The following TASP1 variants were observed in gnomAD, a reference collection of about 807,000 sequenced individuals.
TASP1 encodes the protein threonine aspartase 1.
Under a neutral mutation model 56.6 loss-of-function variants are expected in TASP1, and 16 were observed. The ratio of observed to expected loss-of-function variants is 0.28; its 90% CI spans 0.19 to 0.43. TASP1 has a LOEUF of 0.43. Ranked by LOEUF, TASP1 falls within the 20% of genes least tolerant of loss-of-function variation. The pLI is 1.00. For synonymous variants in TASP1, 179 were observed against 184.2 expected, an observed-to-expected ratio of 0.97 and a Z score of 0.23; for missense variants, 393 against 511.6, an observed-to-expected ratio of 0.77 and a Z score of 2.24.
chr20:13,499,827 A>G (rs2043879356), intron 10 of TASP1, among the ~76,000 whole-genome samples: 1 of 152,222 alleles, frequency 6.6e-6, no homozygotes, highest in South Asian at 2.1e-4. Flanking sequence ...CACCTTTTAC[A>G]GTAACATGGA....
chr20:13,441,469 A>G (rs1187882681), intron 11 of TASP1, among the ~76,000 whole-genome samples: 1 of 152,194 alleles, frequency 6.6e-6, no homozygotes, highest in Non-Finnish European at 1.5e-5. Context: ...CCTTGTCTAC[A>G]TTAAAGAGCA....
chr20:13,417,624 C>T (rs1410914681), intron 12 of TASP1, 103 bp from the exon 13 acceptor site: 4 of 1,182,926 alleles, frequency 3.4e-6, no homozygotes, highest in Middle Eastern at 3.9e-4. Context: ...ATTTAACACA[C>T]TCAGTTCCCC....
chr20:13,394,176 C>A (rs1335545664), intron 13 of TASP1, among the ~76,000 whole-genome samples: 4 of 149,242 alleles, frequency 2.7e-5, no homozygotes, highest in Non-Finnish European at 5.9e-5. Flanking sequence ...CCCAGCTACT[C>A]CGGAGGCTGA....
chr20:13,534,257 G>C, intron 8 of TASP1, 116 bp from the exon 9 acceptor site: 1 of 1,250,150 alleles, frequency 8.0e-7, no homozygotes, highest in Non-Finnish European at 1.1e-6. Flanking sequence ...TAATCCCTAA[G>C]TGGAACATTG....
At chr20:13,344,352 T>C in the TASP1 span, among the ~76,000 whole-genome samples, 1 of 152,010 alleles carries the variant, frequency 6.6e-6, no homozygotes, top group Non-Finnish European at 1.5e-5. Context: ...AACACAACAT[T>C]TGGAATTAGA....
the TASP1 span, among the ~76,000 whole-genome samples, chr20:13,147,069 G>A: frequency 6.6e-6 from 1 of 152,170 alleles, no homozygotes; most frequent in Non-Finnish European, 1.5e-5. Context: ...GGTGGAGGCA[G>A]GGTGTTTTCC....
At chr20:13,516,280 A>G (rs1056297647) in intron 10 of TASP1, among the ~76,000 whole-genome samples, 1 of 152,134 alleles carries the variant, frequency 6.6e-6, no homozygotes, top group Non-Finnish European at 1.5e-5. Flanking sequence ...ATGAAGCAGC[A>G]TGTCACAAAG....
chr20:13,550,185 C>CACACACACAG (rs1212360097), intron 8 of TASP1, among the ~76,000 whole-genome samples: 2 of 148,466 alleles, frequency 1.3e-5, no homozygotes, highest in East Asian at 2.0e-4. Flanking sequence ...CACACACACA[C>CACACACACAG]AGAGACACTG....
chr20:13,317,422 A>T, the TASP1 span, among the ~76,000 whole-genome samples: 1 of 152,166 alleles, frequency 6.6e-6, no homozygotes, highest in Admixed American at 6.5e-5. Context: ...AAGTTATTTC[A>T]TAGATATCAA....
At chr20:13,351,218 A>G in the TASP1 span, among the ~76,000 whole-genome samples, 2 of 152,230 alleles carry the variant, frequency 1.3e-5, no homozygotes, top group Non-Finnish European at 2.9e-5. Flanking sequence ...ACTCACATGC[A>G]TTGCCAGTGG....
intron 10 of TASP1, among the ~76,000 whole-genome samples, chr20:13,506,861 C>T (rs1045704484): frequency 2.7e-5 from 4 of 146,652 alleles, no homozygotes; most frequent in Non-Finnish European, 4.5e-5. Flanking sequence ...TACTGCAAGT[C>T]TTAGCCAGAG....
chr20:13,332,938 G>A, the TASP1 span, among the ~76,000 whole-genome samples: 12 of 152,284 alleles, frequency 7.9e-5, no homozygotes, highest in South Asian at 2.1e-4. Flanking sequence ...CCTGTGCATC[G>A]CCAGAATTCC....
intron 8 of TASP1, among the ~76,000 whole-genome samples, chr20:13,555,903 C>A (rs2046141533): frequency 6.6e-6 from 1 of 152,154 alleles, no homozygotes; most frequent in Admixed American, 6.6e-5. Flanking sequence ...TAATGAGGAT[C>A]TTGGTGGCAT....
intron 6 of TASP1, among the ~76,000 whole-genome samples, chr20:13,575,403 G>A (rs2046866206): frequency 6.6e-6 from 1 of 152,118 alleles, no homozygotes; most frequent in African/African-American, 2.4e-5. Flanking sequence ...ATGGGAGCAG[G>A]TTTTTCCCGT....
At chr20:13,337,320 G>A in the TASP1 span, among the ~76,000 whole-genome samples, 1 of 152,132 alleles carries the variant, frequency 6.6e-6, no homozygotes, top group East Asian at 1.9e-4. Flanking sequence ...TTTAGACGCC[G>A]AGGTCATTGC....
chr20:13,528,015 A>C lies in TASP1; in HGVS notation c.874+418T>G, dbSNP rs1409660907. Among the ~76,000 whole-genome samples the C allele has an allele frequency of 2.0e-5, 3 of 152,066 alleles. No individual in the cohort carries two copies. In the East Asian group the frequency reaches 5.8e-4, roughly 29 times the overall value. On this transcript the variant is annotated intron_variant, in intron 10 of 13. Transcript: ENST00000337743. The stretch of plus-strand genomic sequence containing the variant: ...GGAGGGCAGATCACTTGAGGCCAAG[A>C]GTTCAAGACCAGCCTGGCCAACATG...
chr20:13,587,130 C>T, intron 5 of TASP1, 120 bp downstream of exon 5: 2 of 1,277,690 alleles, frequency 1.6e-6, no homozygotes, highest in Non-Finnish European at 2.1e-6. Context: ...AAAAAAAGAA[C>T]ATTTGTTTTA....
At chr20:13,567,468 A>G (rs2147123856) in intron 7 of TASP1, among the ~76,000 whole-genome samples, 1 of 152,280 alleles carries the variant, frequency 6.6e-6, no homozygotes, top group Non-Finnish European at 1.5e-5. Flanking sequence ...GAAAATGTGA[A>G]GGAAGAAATT....
chr20:13,375,078 GTGTTT>G, the TASP1 span, among the ~76,000 whole-genome samples: 10 of 152,196 alleles, frequency 6.6e-5, no homozygotes, highest in African/African-American at 1.9e-4. Context: ...TAGGTGTGTT[GTGTTT>G]TGTTTTGTTT....
Sources: gnomAD v4.1 joint callset for allele counts (sites outside exome capture counted in the v4.1 genomes callset) on GRCh38, gnomAD v4.1.1 for gene constraint, MANE v1.5 for transcripts, NCBI Gene and HGNC (gene_info 2026-07-23, HGNC 2026-07-21) for gene names.